Variants in KIF1A observed in about 807,000 individuals in gnomAD.
KIF1A encodes the protein kinesin-like protein KIF1A.
Under a neutral mutation model 227.3 loss-of-function variants are expected in KIF1A, and 46 were observed. The ratio of observed to expected loss-of-function variants is 0.20; its 90% confidence interval spans 0.16 to 0.26. KIF1A has a LOEUF of 0.26. KIF1A is among the 10% of genes least tolerant of loss of function. The pLI, the probability that KIF1A is intolerant of heterozygous loss-of-function variation, is 1.00. For missense variants in KIF1A, 1,683 were observed against 2,485.9 expected (o/e 0.68, Z 6.87); for synonymous variants, 1,022 against 1,012.8 (o/e 1.01, Z -0.17).
At chr2:240,771,133 C>A in intron 14 of KIF1A, 29 bp from the exon 15 acceptor site, 1 of 1,613,178 alleles carries the variant, frequency 6.2e-7, no homozygotes, top group Non-Finnish European at 8.5e-7. Flanking sequence ...GGGCTTCATT[C>A]ACCGTCCCGC....
intron 1 of KIF1A, among the ~76,000 whole-genome samples, chr2:240,808,887 C>G (rs971853517): frequency 1.3e-5 from 2 of 152,008 alleles, no homozygotes; most frequent in Non-Finnish European, 2.9e-5. Context: ...CCCACCACCA[C>G]GCCCGGCTAA....
intron 1 of KIF1A, among the ~76,000 whole-genome samples, chr2:240,809,943 G>C (rs554181328): frequency 4.4e-4 from 67 of 151,416 alleles, no homozygotes; most frequent in African/African-American, 1.6e-3. Context: ...GGGGTTACAG[G>C]CATGTGCCAT....
chr2:240,743,963 G>A lies in KIF1A; in HGVS notation c.3563C>T (p.Pro1188Leu). 6.2e-7 allele frequency: 1 copy of A among 1,613,326 alleles called. No individual in the cohort carries two copies. The highest frequency in any genetic ancestry group is 1.1e-5 in the South Asian group (1 of 91,072). The stretch of plus-strand genomic sequence containing the variant: ...TAACCTGAGCACGTCCTTGCAGAGG[G>A]GCGGGAACGGGTGCTGCTGGTAGTG... The part of the protein sequence containing the change: ...FGHYQQHPFP[P>L]LCKDVLSPLR... Residue 1188 changes from proline to leucine, a missense_variant, in exon 33 of 49, where the codon CCC becomes CTC. Physicochemically the swap from Pro to Leu is moderately conservative, Grantham distance 98. Around this residue, in one of 12 missense-constraint regions of KIF1A, gnomAD observed 759 missense variants for 1,020.2 expected, o/e 0.74. Coordinates refer to ENST00000498729, the MANE Select transcript of KIF1A (RefSeq NM_001244008.2).
At chr2:240,721,129 A>G in intron 44 of KIF1A, 91 bp from the exon 45 acceptor site, 1 of 1,516,564 alleles carries the variant, frequency 6.6e-7, no homozygotes, top group South Asian at 1.2e-5. Flanking sequence ...CTTACCCCAC[A>G]CCTGCTGCTT....
At chr2:240,818,793 G>A (rs1469802731) in intron 1 of KIF1A, 1 of 152,358 alleles carries the variant, frequency 6.6e-6, no homozygotes, top group Non-Finnish European at 1.5e-5. Flanking sequence ...TCCCCAGGGT[G>A]AGGCCAGTGC....
chr2:240,782,499 C>T, intron 10 of KIF1A, 91 bp downstream of exon 10: 1 of 1,378,128 alleles, frequency 7.3e-7, no homozygotes, highest in Non-Finnish European at 1.0e-6. Flanking sequence ...CACTCACTGC[C>T]CGCCCCGCCC....
intron 10 of KIF1A, among the ~76,000 whole-genome samples, chr2:240,777,778 C>G (rs1473874332): frequency 1.3e-5 from 2 of 152,218 alleles, no homozygotes; most frequent in Non-Finnish European, 2.9e-5. Flanking sequence ...CAGACGGGCC[C>G]GGCTCCTGCC....
chr2:240,741,474 C>T, intron 34 of KIF1A, 97 bp from the exon 35 acceptor site: 1 of 927,338 alleles, frequency 1.1e-6, no homozygotes, highest in Non-Finnish European at 1.5e-6. Context: ...CAAAGGGACT[C>T]AGAGGCAGCA....
Position 240,760,835 on chromosome 2 carries a change from G to A in KIF1A, c.2274C>T (p.Phe758=). The change falls in exon 25 of 49, where the codon TTC becomes TTT. Residue 758 remains phenylalanine (F), a synonymous_variant. Coordinates refer to ENST00000498729, the MANE Select transcript of KIF1A (RefSeq NM_001244008.2). ...GTGTGTCCGTCAGGAGGACAAACTG[G>A]AATTGTACCTGTGACAGGGGAAGAT... ...ISVELKKKVQ[F]QFVLLTDTLY... The A allele has an allele frequency of 6.2e-7, 1 of 1,606,864 alleles. No individual in the cohort carries two copies.
chr2:240,740,309 G>C lies in KIF1A; in HGVS notation c.3805C>G (p.Leu1269Val). The C allele has an allele frequency of 6.2e-7, 1 of 1,613,466 alleles. No homozygotes were observed. The highest frequency in any genetic ancestry group is 2.2e-5 in the East Asian group (1 of 44,872). ...RGGMPCMGTFLLHQGIQRRIT... is the reference protein window; with the variant it reads ...RGGMPCMGTFVLHQGIQRRIT... The stretch of plus-strand genomic sequence containing the variant: ...AGAGGGGCTCACACCTGGTGGAGGA[G>C]GAAGGTCCCCATGCATGGCATGCCC... The change falls in exon 36 of 49, where the codon CTC (leucine) becomes GTC (valine). Residue 1269 changes from leucine to valine, a missense_variant. By Grantham distance (32) the Leu-to-Val change is conservative (BLOSUM62 1). Around this residue, in one of 12 missense-constraint regions of KIF1A, gnomAD observed 759 missense variants for 1,020.2 expected, o/e 0.74. Coordinates refer to ENST00000498729, the MANE Select transcript of KIF1A (RefSeq NM_001244008.2). The surrounding 1 kb of genome is among the most constrained non-coding windows in gnomAD (Gnocchi z 6.1).
rs752475137 is a variant in KIF1A at position 240,789,216 on chromosome 2, G to T, written c.183+20C>A. The T allele has an allele frequency of 1.2e-6, 2 of 1,608,478 alleles. No individual in the cohort carries two copies. The highest frequency in any genetic ancestry group is 8.5e-7 in the Non-Finnish European group (1 of 1,174,982). On this transcript the variant is annotated intron_variant, in intron 3 of 48. Coordinates refer to ENST00000498729, the MANE Select transcript of KIF1A (RefSeq NM_001244008.2). This position sits in a 1 kb window ranked among gnomAD's most constrained non-coding sequence, Gnocchi z 4.8. The stretch of plus-strand genomic sequence containing the variant: ...ATGCACTGCTGCCCCCGCCTCCCCC[G>T]ACCCGGGGTCCCGGCTTACTGAGGT...
chr2:240,759,600 CT>C (rs2050272144), intron 25 of KIF1A, among the ~76,000 whole-genome samples: 1 of 152,214 alleles, frequency 6.6e-6, no homozygotes, highest in South Asian at 2.1e-4. Context: ...GTGCCTCCCC[CT>C]GTAGCCCTGC....
rs34304629 is a variant in KIF1A, at chr2:240,725,078, CA to C, written c.4256+192del. Among the ~76,000 whole-genome samples the C allele has an allele frequency of 0.2, 30,053 of 151,802 alleles. 3,282 individuals carry two copies. Among genetic ancestry groups the C allele is most frequent in the Non-Finnish European group, 0.26 (17,534 of 67,840 alleles). On this transcript the variant is annotated intron_variant, in intron 40 of 48. Coordinates refer to ENST00000498729, the MANE Select transcript of KIF1A (RefSeq NM_001244008.2). The surrounding 1 kb of genome is among the most constrained non-coding windows in gnomAD (Gnocchi z 5.8). ...TGGTGTCAGTGTCCCCTGCAGGAAC[CA>C]TGGCCTCCACAGAGTCTTCATCTAG... is the stretch of plus-strand genomic sequence containing the variant.
chr2:240,720,126 C>G (rs1415836050), intron 45 of KIF1A, 200 bp from the exon 46 acceptor site: 4 of 485,404 alleles, frequency 8.2e-6, no homozygotes, highest in Non-Finnish European at 1.0e-5. Flanking sequence ...CCAGGAAGTG[C>G]TGGGCTTGGT....
At chr2:240,729,737 G>A (rs991835542) in intron 38 of KIF1A, among the ~76,000 whole-genome samples, 3 of 152,250 alleles carry the variant, frequency 2.0e-5, no homozygotes, top group African/African-American at 7.2e-5. Context: ...CAGTGGACTA[G>A]AATCTCTCTG....
intron 2 of KIF1A, among the ~76,000 whole-genome samples, chr2:240,791,031 C>A (rs897928108): frequency 6.6e-6 from 1 of 152,168 alleles, no homozygotes; most frequent in Admixed American, 6.5e-5. Context: ...TCAGGTCCCA[C>A]CTGCGCCCCC....
chr2:240,740,506 G>T lies in KIF1A; in HGVS notation c.3750-142C>A. ...AAGATCAGGTGGTCTGATCCATGGA[G>T]ACCACGGTCAGCTGAGCACAGAAAC... is the stretch of plus-strand genomic sequence containing the variant. On this transcript the variant is annotated intron_variant, in intron 35 of 48. Transcript: ENST00000498729. This position sits in a 1 kb window ranked among gnomAD's most constrained non-coding sequence, Gnocchi z 6.1. 1.4e-6 allele frequency: 1 copy of T among 695,036 alleles called. No individual in the cohort carries two copies. Among genetic ancestry groups the T allele is most frequent in the Non-Finnish European group, 2.5e-6 (1 of 395,596 alleles). The allele number at this position is 695,036 out of a possible 1,614,324, so 43.1% of individuals were successfully genotyped here.
At chr2:240,804,080 A>G (rs2057193433) in intron 1 of KIF1A, among the ~76,000 whole-genome samples, 1 of 152,204 alleles carries the variant, frequency 6.6e-6, no homozygotes, top group African/African-American at 2.4e-5. Flanking sequence ...AGCATGGCCA[A>G]GACGGTGAAA....
chr2:240,719,431 A>C (rs2044994472), intron 46 of KIF1A, among the ~76,000 whole-genome samples: 1 of 152,212 alleles, frequency 6.6e-6, no homozygotes, highest in Non-Finnish European at 1.5e-5. Context: ...GGAAAAACTT[A>C]AAGAAATAAG....
Sources: allele counts gnomAD v4.1 joint callset (sites outside exome capture counted in the v4.1 genomes callset), GRCh38; gene constraint gnomAD v4.1.1; regional missense constraint gnomAD v4.1.1; non-coding constraint Gnocchi (gnomAD v3.1); transcripts MANE v1.5; gene names NCBI Gene and HGNC (gene_info 2026-07-23, HGNC 2026-07-21).